Variants in CAPRIN1 observed in about 807,000 individuals in gnomAD.
The protein encoded by CAPRIN1 is cell cycle associated protein 1.
In CAPRIN1, 29 loss-of-function variants were observed where a neutral mutation model predicts 100.9. The ratio of observed to expected loss-of-function variants is 0.29; its 90% CI spans 0.21 to 0.39. The LOEUF is 0.39. Ranked by LOEUF, CAPRIN1 falls within the 10% of genes least tolerant of loss-of-function variation. The pLI is 1.00. For missense variants in CAPRIN1, 795 were observed against 876.7 expected, an observed-to-expected ratio of 0.91 and a Z score of 1.18; for synonymous variants, 338 against 307.5, an observed-to-expected ratio of 1.10 and a Z score of -1.04.
rs1415417153 is a variant in CAPRIN1, at chr11:34,066,832, C to T, written c.217-4894C>T. 2.0e-5 allele frequency among the ~76,000 whole-genome samples: 3 copies of T among 150,548 alleles called. No individual in the cohort carries two copies. The East Asian group carries it at 5.8e-4, about 29-fold the overall frequency. On this transcript the variant is annotated intron_variant, in intron 2 of 18. Coordinates refer to ENST00000341394, the MANE Select transcript of CAPRIN1 (RefSeq NM_005898.5). ...TTTTTTCAGTAGAGTTAGGGTTTCA[C>T]CATGTTGGCCAGGCTGGTCTCCAGC...
In CAPRIN1 at chr11:34,082,952, CA is replaced by C; in HGVS notation, c.880-2del. On this transcript the variant is annotated splice_acceptor_variant, in intron 8 of 18. Transcript: ENST00000341394. LOFTEE classifies it high-confidence loss of function. ...TGTCTCAAACATTTACTTTGCTTTGCAGTATGTAAATAGACAGTTCATGGCA... is the reference window on the plus strand; with the variant it reads ...TGTCTCAAACATTTACTTTGCTTTGCGTATGTAAATAGACAGTTCATGGCA... The C allele has an allele frequency of 6.2e-7, 1 of 1,613,294 alleles. No homozygotes were observed. The highest frequency in any genetic ancestry group is 8.5e-7 in the Non-Finnish European group (1 of 1,179,280).
chr11:34,097,428 CA>C, intron 17 of CAPRIN1, 132 bp downstream of exon 17: 1 of 797,300 alleles, frequency 1.3e-6, no homozygotes, highest in South Asian at 1.7e-5. Context: ...TCTGTTGAAA[CA>C]AAAGCTTTTA....
At chr11:34,057,235 ATT>A (rs1226182981) in intron 2 of CAPRIN1, among the ~76,000 whole-genome samples, 2 of 152,172 alleles carry the variant, frequency 1.3e-5, no homozygotes, top group Non-Finnish European at 2.9e-5. Context: ...GGGCAAGATT[ATT>A]TTGCATTCAC....
At position 34,070,124 on chromosome 11, in the gene CAPRIN1, C is replaced by T. The variant is rs529611542; in HGVS notation, c.217-1602C>T. Among the ~76,000 whole-genome samples the T allele has an allele frequency of 4.3e-3, 654 of 152,182 alleles. 6 individuals are homozygous for T. The highest frequency in any genetic ancestry group is 0.015 in the African/African-American group (615 of 41,512). On this transcript the variant is annotated intron_variant, in intron 2 of 18. Transcript: ENST00000341394. Reference sequence around the variant, plus strand: ...TTATCCTCATTCACTGTCCTCTTGACCTTTACAATAATAATAGTTTGTGAC... The same window carrying T: ...TTATCCTCATTCACTGTCCTCTTGATCTTTACAATAATAATAGTTTGTGAC...
Position 34,097,182 on chromosome 11 carries a change from G to A in CAPRIN1, c.1901-14G>A. On this transcript the variant is annotated splice_polypyrimidine_tract_variant and intron_variant, in intron 16 of 18. Transcript: ENST00000341394. ...AGATAAGAAAATTATTTCTTTTCTT[G>A]TCCTAAATTTTAGGAGGATATGATG... The A allele has an allele frequency of 1.3e-6, 2 of 1,555,680 alleles. No homozygotes were observed. Among genetic ancestry groups the A allele is most frequent in the African/African-American group, 1.4e-5 (1 of 73,822 alleles).
intron 2 of CAPRIN1, among the ~76,000 whole-genome samples, chr11:34,064,764 CCTT>C (rs1179469406): frequency 6.6e-6 from 1 of 152,088 alleles, no homozygotes; most frequent in Non-Finnish European, 1.5e-5. Context: ...TCTCACCTCT[CCTT>C]CTCAAAGGTG....
chr11:34,081,745 A>G (rs1346958059), intron 7 of CAPRIN1, among the ~76,000 whole-genome samples: 13 of 152,032 alleles, frequency 8.6e-5, no homozygotes, highest in Non-Finnish European at 4.4e-5. Flanking sequence ...TGATCTGCCC[A>G]CATTGGCCTC....
At position 34,095,176 on chromosome 11, in the gene CAPRIN1, G is replaced by A. The variant is rs895690030; in HGVS notation, c.1706-1303G>A. On this transcript the variant is annotated intron_variant, in intron 15 of 18. Coordinates refer to ENST00000341394, the MANE Select transcript of CAPRIN1 (RefSeq NM_005898.5). ...CTCCCAAAGTGCTGGGATTACCAGTGTGAGCCACTACACCCAGCCTGGCTA... is the reference window on the plus strand; with the variant it reads ...CTCCCAAAGTGCTGGGATTACCAGTATGAGCCACTACACCCAGCCTGGCTA... 6.6e-5 allele frequency among the ~76,000 whole-genome samples: 10 copies of A among 152,244 alleles called. No individual in the cohort carries two copies. The East Asian group carries it at 1.5e-3, about 24-fold the overall frequency.
Position 34,099,983 on chromosome 11 carries a change from A to G in CAPRIN1, c.*616A>G, listed in dbSNP as rs559005721. On this transcript the variant is annotated 3_prime_UTR_variant, in exon 19 of 19. Coordinates refer to ENST00000341394, the MANE Select transcript of CAPRIN1 (RefSeq NM_005898.5). ...AACAACTGTGGTTAAAAACACATGT[A>G]AAATGCTTTTTAACAGCTGATACTG... 1 of 152,794 alleles carries G rather than the reference A, an allele frequency of 6.5e-6. No individual in the cohort carries two copies. Among genetic ancestry groups the G allele is most frequent in the Non-Finnish European group, 1.5e-5 (1 of 68,122 alleles). The allele number at this position is 152,794 out of a possible 1,614,324, so 9.5% of individuals were successfully genotyped here.
At chr11:34,095,808 G>A (rs1278359374) in intron 15 of CAPRIN1, 1 of 152,214 alleles carries the variant, frequency 6.6e-6, no homozygotes, top group Non-Finnish European at 1.5e-5. Flanking sequence ...ATATATGTTA[G>A]TGTGTACCTT....
Position 34,097,690 on chromosome 11 carries a change from T to A in CAPRIN1, c.2002-8T>A. The A allele has an allele frequency of 6.2e-7, 1 of 1,614,086 alleles. No individual in the cohort carries two copies. The highest frequency in any genetic ancestry group is 8.5e-7 in the Non-Finnish European group (1 of 1,179,938). ...TACCTTTTCAATACTAACTAGCTTG[T>A]CTTTTAGGATGGATATCAGCAGAAT... is the stretch of plus-strand genomic sequence containing the variant. On this transcript the variant is annotated splice_polypyrimidine_tract_variant and splice_region_variant and intron_variant, in intron 17 of 18. Coordinates refer to ENST00000341394, the MANE Select transcript of CAPRIN1 (RefSeq NM_005898.5).
chr11:34,064,496 A>G (rs1463830118), intron 2 of CAPRIN1, among the ~76,000 whole-genome samples: 2 of 152,240 alleles, frequency 1.3e-5, no homozygotes, highest in Non-Finnish European at 2.9e-5. Context: ...TGCAGATACC[A>G]TATCCTTTTC....
In CAPRIN1 at chr11:34,062,616, C is replaced by T. The variant is rs57904750; in HGVS notation, c.217-9110C>T. Among the ~76,000 whole-genome samples, 398 of 91,906 alleles carry T rather than the reference C, an allele frequency of 4.3e-3. 4 individuals carry two copies. The highest frequency in any genetic ancestry group is 0.017 in the African/African-American group (371 of 22,440). 60.3% of individuals were successfully genotyped at this position (91,906 alleles called of 152,430 possible). A position where few individuals can be genotyped will look rare whatever the true frequency, so the allele number is the denominator to read the frequency against. ...CTCCAGCCTGGGCGACAGAGCAAAA[C>T]TCCGTCTCAAAAAAAAAAAAAAAAA... On this transcript the variant is annotated intron_variant, in intron 2 of 18. Transcript: ENST00000341394.
intron 2 of CAPRIN1, among the ~76,000 whole-genome samples, chr11:34,067,055 G>C (rs1850712958): frequency 6.6e-6 from 1 of 151,676 alleles, no homozygotes; most frequent in Admixed American, 6.6e-5. Context: ...TCAGCCTCCT[G>C]AGTAGCTGGG....
At chr11:34,086,529 T>C (rs1429475270) in intron 11 of CAPRIN1, 116 bp downstream of exon 11, 2 of 598,240 alleles carry the variant, frequency 3.3e-6, no homozygotes, top group East Asian at 2.8e-5. Flanking sequence ...TTTTGACTCT[T>C]AGGTCTTTTA....
At chr11:34,084,291 T>A (rs559982954) in intron 9 of CAPRIN1, among the ~76,000 whole-genome samples, 1 of 152,116 alleles carries the variant, frequency 6.6e-6, no homozygotes, top group Non-Finnish European at 1.5e-5. Context: ...TTCATCCCTC[T>A]GTTGGAGCAC....
At chr11:34,055,903 A>G (rs1459006472) in intron 2 of CAPRIN1, 1 of 152,186 alleles carries the variant, frequency 6.6e-6, no homozygotes, top group East Asian at 1.9e-4. Flanking sequence ...TGCTATTAAA[A>G]CTATATCTTT....
intron 4 of CAPRIN1, among the ~76,000 whole-genome samples, chr11:34,074,291 T>G (rs957812914): frequency 6.6e-6 from 1 of 151,140 alleles, no homozygotes; most frequent in Non-Finnish European, 1.5e-5. Flanking sequence ...ACCTGTATCC[T>G]TTTTTGCTTC....
rs922135360 is a variant in CAPRIN1 at position 34,099,132 on chromosome 11, G to C, written c.2066-171G>C. 22 of 1,436,902 alleles carry C rather than the reference G, an allele frequency of 1.5e-5. No individual in the cohort carries two copies. In the East Asian group the frequency reaches 5.5e-4, roughly 36 times the overall value. The allele number at this position is 1,436,902 out of a possible 1,614,324, so 89.0% of individuals were successfully genotyped here. A position where few individuals can be genotyped will look rare whatever the true frequency, so the allele number is the denominator to read the frequency against. On this transcript the variant is annotated intron_variant, in intron 18 of 18. Transcript: ENST00000341394. ...GCTAAGAGAACATGAGCAAATTTGC[G>C]CATGACAACTTCCAGGACAGGGGAA...
Sources: gnomAD v4.1 joint callset for allele counts (sites outside exome capture counted in the v4.1 genomes callset) on GRCh38, gnomAD v4.1.1 for gene constraint, MANE v1.5 for transcripts, NCBI Gene and HGNC (gene_info 2026-07-23, HGNC 2026-07-21) for gene names.